The following PTPRN2 variants were observed in gnomAD, a reference collection of about 807,000 sequenced individuals.
The protein encoded by PTPRN2 is protein tyrosine phosphatase receptor type N2.
PTPRN2 carries 74 observed loss-of-function variants against 118.8 expected under a neutral mutation model. The observed-to-expected ratio is 0.62, with a 90% CI of 0.52 to 0.76. The LOEUF (loss-of-function observed/expected upper bound fraction) is 0.76. PTPRN2 is among the 30% of genes least tolerant of loss of function. PTPRN2 has a pLI of 0.00. For synonymous variants in PTPRN2, 641 were observed against 608.0 expected (o/e 1.05, Z -0.80); for missense variants, 1,481 against 1,394.4 (o/e 1.06, Z -0.99).
chr7:158,038,374 CCT>C (rs1424721702), intron 11 of PTPRN2, among the ~76,000 whole-genome samples: 1 of 151,980 alleles, frequency 6.6e-6, no homozygotes, highest in African/African-American at 2.4e-5. Flanking sequence ...AAATTCAACC[CCT>C]GTCTCACAAC....
At chr7:157,669,826 C>G (rs1228846298) in intron 13 of PTPRN2, among the ~76,000 whole-genome samples, 1 of 152,198 alleles carries the variant, frequency 6.6e-6, no homozygotes, top group African/African-American at 2.4e-5. Flanking sequence ...AGCACCAGCC[C>G]TTTCTCGAGT....
intron 3 of PTPRN2, among the ~76,000 whole-genome samples, chr7:158,205,832 A>G (rs1159787427): frequency 3.3e-5 from 5 of 152,138 alleles, no homozygotes; most frequent in Admixed American, 3.3e-4. Context: ...GCCCTGTCAC[A>G]GTAAAAACAA....
chr7:158,056,185 A>G (rs899002779), intron 11 of PTPRN2, among the ~76,000 whole-genome samples: 17 of 152,172 alleles, frequency 1.1e-4, no homozygotes, highest in Non-Finnish European at 2.5e-4. Flanking sequence ...AGGTCCTGCT[A>G]ATCTCGCCTG....
chr7:158,070,802 CCG>C (rs1811291417), intron 11 of PTPRN2, among the ~76,000 whole-genome samples: 2 of 56,284 alleles, frequency 3.6e-5, no homozygotes, highest in African/African-American at 1.8e-4. Context: ...GTGGAGGTGC[CCG>C]TGGTGGTGAA....
intron 1 of PTPRN2, among the ~76,000 whole-genome samples, chr7:158,511,002 C>T (rs1823140151): frequency 6.6e-6 from 1 of 152,218 alleles, no homozygotes; most frequent in Non-Finnish European, 1.5e-5. Flanking sequence ...AAAGAACCTT[C>T]CTTGAGTAAT....
chr7:157,979,110 C>G (rs1802951797), intron 11 of PTPRN2, among the ~76,000 whole-genome samples: 2 of 152,042 alleles, frequency 1.3e-5, no homozygotes, highest in South Asian at 4.1e-4. Flanking sequence ...GCCCCCGCGG[C>G]CCTGGCAGGA....
At chr7:157,709,708 G>A (rs957085651) in intron 12 of PTPRN2, among the ~76,000 whole-genome samples, 6 of 152,210 alleles carry the variant, frequency 3.9e-5, no homozygotes, top group East Asian at 1.9e-4. Context: ...CCACACACCC[G>A]CCTTCAGATT....
At chr7:158,123,961 G>A (rs1817400161) in intron 9 of PTPRN2, among the ~76,000 whole-genome samples, 1 of 149,450 alleles carries the variant, frequency 6.7e-6, no homozygotes. Context: ...GGCGGAGCTG[G>A]TTCTCTAATC....
At position 158,022,478 on chromosome 7, in the gene PTPRN2, G is replaced by A. The variant is rs1047576325; in HGVS notation, c.1723+58820C>T. On this transcript the variant is annotated intron_variant, in intron 11 of 22. Coordinates refer to ENST00000389418, the MANE Select transcript of PTPRN2 (RefSeq NM_002847.5). This position sits in a 1 kb window ranked among gnomAD's most constrained non-coding sequence, Gnocchi z 4.6. ...GCACCTGGGCACTCTGGGGCAGCCC[G>A]TAATGTGTTCATAGCCAAGGCCCCG... 1.3e-5 allele frequency among the ~76,000 whole-genome samples: 2 copies of A among 151,986 alleles called. No individual in the cohort carries two copies. Among genetic ancestry groups the A allele is most frequent in the South Asian group, 2.1e-4 (1 of 4,812 alleles).
chr7:158,406,970 A>C (rs1376700497), intron 2 of PTPRN2, among the ~76,000 whole-genome samples: 1 of 152,176 alleles, frequency 6.6e-6, no homozygotes, highest in Non-Finnish European at 1.5e-5. Context: ...CGCCCACAGC[A>C]AACATGGAGC....
At position 157,934,651 on chromosome 7, in the gene PTPRN2, C is replaced by T. The variant is rs542637665; in HGVS notation, c.1724-35914G>A. Among the ~76,000 whole-genome samples, 5 of 152,212 alleles carry T rather than the reference C, an allele frequency of 3.3e-5. No homozygotes were observed. The South Asian group carries it at 1.0e-3, about 32-fold the overall frequency. ...TCTGCCACAGGGACTCTTCACTTGG[C>T]GATGATGAGCAAAGCATCCGGCCTT... On this transcript the variant is annotated intron_variant, in intron 11 of 22. Transcript: ENST00000389418.
At chr7:157,595,382 T>TTAGGAAACCC (rs1801236056) in intron 16 of PTPRN2, 67 bp from the exon 17 acceptor site, 19 of 1,397,110 alleles carry the variant, frequency 1.4e-5, no homozygotes, top group African/African-American at 1.1e-4. Context: ...TTAGGAAGCC[T>TTAGGAAACCC]GGAGGTTAGG....
chr7:158,186,204 A>C (rs1016266781), intron 5 of PTPRN2, among the ~76,000 whole-genome samples: 1 of 152,030 alleles, frequency 6.6e-6, no homozygotes, highest in African/African-American at 2.4e-5. Flanking sequence ...CTTCCATTCC[A>C]ATGCGCATGA....
At chr7:158,191,731 A>G (rs930001260) in intron 5 of PTPRN2, among the ~76,000 whole-genome samples, 11 of 151,210 alleles carry the variant, frequency 7.3e-5, no homozygotes, top group African/African-American at 2.7e-4. Context: ...CTGCATAAAC[A>G]CTCCTGGGGT....
chr7:158,413,251 T>C (rs1814351322), intron 2 of PTPRN2, among the ~76,000 whole-genome samples: 1 of 152,326 alleles, frequency 6.6e-6, no homozygotes, highest in African/African-American at 2.4e-5. Context: ...TGTGCCAAAG[T>C]TGGGTTCAAG....
In PTPRN2 at chr7:158,582,084, C is replaced by T. The variant is rs143603662; in HGVS notation, c.112+5474G>A. Among the ~76,000 whole-genome samples, 548 of 152,320 alleles carry T rather than the reference C, an allele frequency of 3.6e-3. 4 individuals carry two copies. The highest frequency in any genetic ancestry group is 0.012 in the South Asian group (56 of 4,820). Reference sequence around the variant, plus strand: ...CTTCCTTCAACACACTGTTTCCACACTGTTTCCAAGCAGCAGAAAAGTGGA... The same window carrying T: ...CTTCCTTCAACACACTGTTTCCACATTGTTTCCAAGCAGCAGAAAAGTGGA... On this transcript the variant is annotated intron_variant, in intron 1 of 22. Coordinates refer to ENST00000389418, the MANE Select transcript of PTPRN2 (RefSeq NM_002847.5).
intron 15 of PTPRN2, among the ~76,000 whole-genome samples, chr7:157,606,030 C>G (rs1039417242): frequency 6.6e-6 from 1 of 151,982 alleles, no homozygotes; most frequent in African/African-American, 2.4e-5. Context: ...ACCTGCAGGC[C>G]AGAGCTGAGC....
At chr7:157,979,799 G>A (rs1054467139) in intron 11 of PTPRN2, among the ~76,000 whole-genome samples, 6 of 152,224 alleles carry the variant, frequency 3.9e-5, no homozygotes, top group African/African-American at 1.4e-4. Flanking sequence ...AGAATACAGT[G>A]CGTGATGCAC....
At chr7:157,689,426 T>C (rs1429339110) in intron 12 of PTPRN2, among the ~76,000 whole-genome samples, 1 of 152,164 alleles carries the variant, frequency 6.6e-6, no homozygotes, top group African/African-American at 2.4e-5. Context: ...TTGAACCGCG[T>C]CGTCCTCAGG....
Sources: allele counts gnomAD v4.1 joint callset (sites outside exome capture counted in the v4.1 genomes callset), GRCh38; gene constraint gnomAD v4.1.1; non-coding constraint Gnocchi (gnomAD v3.1); transcripts MANE v1.5; gene names NCBI Gene and HGNC (gene_info 2026-07-23, HGNC 2026-07-21).